Variants in ANGPT1 observed in about 807,000 individuals in gnomAD.
ANGPT1 encodes the protein angiopoietin 1.
Under a neutral mutation model 62.2 loss-of-function variants are expected in ANGPT1, and 17 were observed. That is an observed-to-expected ratio of 0.27 (90% CI 0.19 to 0.41). The LOEUF (loss-of-function observed/expected upper bound fraction) is 0.41, where lower values mean the gene tolerates loss of function less well. ANGPT1 is among the 10% of genes least tolerant of loss of function. ANGPT1 has a pLI of 1.00. For synonymous variants in ANGPT1, 199 were observed against 198.9 expected, an observed-to-expected ratio of 1.00 and a Z score of 0.00; for missense variants, 478 against 594.9, an observed-to-expected ratio of 0.80 and a Z score of 2.04.
chr8:107,319,686 C>T (rs1385333804), intron 4 of ANGPT1, among the ~76,000 whole-genome samples: 1 of 151,646 alleles, frequency 6.6e-6, no homozygotes, highest in Non-Finnish European at 1.5e-5. Context: ...ATGCTATTAG[C>T]CATTTAAAAT....
Position 107,497,688 on chromosome 8 carries a change from TGAA to T in ANGPT1, c.-133_-131del, listed in dbSNP as rs141130845. ...CTCTTTCCCCCTCAAAGAAAGCGTT[TGAA>T]GAAGAATCATAGAAAACTAGCCATT... On this transcript the variant is annotated 5_prime_UTR_variant, in exon 1 of 9. Transcript: ENST00000517746. 1.8e-3 allele frequency: 1,829 copies of T among 1,044,666 alleles called. 20 individuals are homozygous for T. In the African/African-American group the frequency reaches 0.028, roughly 16 times the overall value. The allele number at this position is 1,044,666 out of a possible 1,614,324, so 64.7% of individuals were successfully genotyped here.
chr8:107,319,919 T>C (rs770638767), intron 4 of ANGPT1, among the ~76,000 whole-genome samples: 1 of 152,116 alleles, frequency 6.6e-6, no homozygotes, highest in Non-Finnish European at 1.5e-5. Flanking sequence ...GCAGAGAACC[T>C]ATTGGAAAAT....
chr8:107,494,016 A>G (rs1036119365), intron 1 of ANGPT1, among the ~76,000 whole-genome samples: 1 of 149,412 alleles, frequency 6.7e-6, no homozygotes, highest in Admixed American at 6.7e-5. Flanking sequence ...ATTCATAACT[A>G]TATTTTCCAT....
At chr8:107,413,011 A>G (rs1230146299) in intron 1 of ANGPT1, among the ~76,000 whole-genome samples, 1 of 152,164 alleles carries the variant, frequency 6.6e-6, no homozygotes, top group African/African-American at 2.4e-5. Context: ...AAATCAACTA[A>G]AAAGATGTGG....
intron 1 of ANGPT1, among the ~76,000 whole-genome samples, chr8:107,385,556 T>C (rs1816716659): frequency 6.6e-6 from 1 of 152,130 alleles, no homozygotes; most frequent in African/African-American, 2.4e-5. Context: ...TTTCTAGGTG[T>C]AGTATCATAT....
At chr8:107,448,170 T>C (rs1228977890) in intron 1 of ANGPT1, among the ~76,000 whole-genome samples, 3 of 152,222 alleles carry the variant, frequency 2.0e-5, no homozygotes, top group African/African-American at 7.2e-5. Context: ...CAAGTTTTAA[T>C]AAGAAGGTAA....
intron 3 of ANGPT1, among the ~76,000 whole-genome samples, chr8:107,329,394 T>C (rs1307360132): frequency 6.6e-6 from 1 of 152,004 alleles, no homozygotes; most frequent in Non-Finnish European, 1.5e-5. Flanking sequence ...TTATTTATCA[T>C]AGAAATGGAG....
At chr8:107,421,973 T>C (rs1286920649) in intron 1 of ANGPT1, among the ~76,000 whole-genome samples, 2 of 152,212 alleles carry the variant, frequency 1.3e-5, no homozygotes, top group African/African-American at 4.8e-5. Context: ...ACCACTGCTA[T>C]AGAATTTTAA....
intron 1 of ANGPT1, among the ~76,000 whole-genome samples, chr8:107,415,627 T>C (rs1258490219): frequency 1.3e-5 from 2 of 152,180 alleles, no homozygotes; most frequent in Admixed American, 1.3e-4. Context: ...ACCAGAAATT[T>C]AAAATCTTTC....
Position 107,250,693 on chromosome 8 carries a change from T to C in ANGPT1, c.*1162A>G, listed in dbSNP as rs1380081189. On this transcript the variant is annotated 3_prime_UTR_variant, in exon 9 of 9. Coordinates refer to ENST00000517746, the MANE Select transcript of ANGPT1 (RefSeq NM_001146.5). ...CTATGTACAATGATATTTATAATTATTTTATTTTTTATAGACTTCAAAGTG... is the reference window on the plus strand; with the variant it reads ...CTATGTACAATGATATTTATAATTACTTTATTTTTTATAGACTTCAAAGTG... 6.6e-6 allele frequency: 1 copy of C among 152,132 alleles called. No homozygotes were observed. Among genetic ancestry groups the C allele is most frequent in the African/African-American group, 2.4e-5 (1 of 41,464 alleles). The allele number at this position is 152,132 out of a possible 1,614,324, so 9.4% of individuals were successfully genotyped here. A position where few individuals can be genotyped will look rare whatever the true frequency, so the allele number is the denominator to read the frequency against.
At chr8:107,426,647 C>T (rs1399495999) in intron 1 of ANGPT1, among the ~76,000 whole-genome samples, 1 of 152,164 alleles carries the variant, frequency 6.6e-6, no homozygotes, top group Non-Finnish European at 1.5e-5. Context: ...TACTTCAAAG[C>T]CCTGCTTCCA....
At chr8:107,339,698 A>G (rs1327925721) in intron 2 of ANGPT1, among the ~76,000 whole-genome samples, 4 of 152,170 alleles carry the variant, frequency 2.6e-5, no homozygotes, top group Non-Finnish European at 5.9e-5. Context: ...GGAGTCCTCT[A>G]AGCCTCCAGA....
At chr8:107,384,912 C>A (rs1206778127) in intron 1 of ANGPT1, among the ~76,000 whole-genome samples, 1 of 151,998 alleles carries the variant, frequency 6.6e-6, no homozygotes, top group South Asian at 2.1e-4. Context: ...TTGGTTTTGT[C>A]AAAGATCAGA....
intron 8 of ANGPT1, among the ~76,000 whole-genome samples, chr8:107,259,071 C>T (rs542025850): frequency 4.6e-5 from 7 of 152,164 alleles, no homozygotes; most frequent in South Asian, 4.1e-4. Context: ...AATAGGCTTA[C>T]GTTTTATGTA....
At chr8:107,265,327 G>C (rs768943654) in intron 7 of ANGPT1, among the ~76,000 whole-genome samples, 8 of 152,108 alleles carry the variant, frequency 5.3e-5, no homozygotes, top group African/African-American at 1.9e-4. Context: ...CCTAGAATCC[G>C]AGAACTAGTG....
chr8:107,259,365 T>C (rs1301071309), intron 8 of ANGPT1, among the ~76,000 whole-genome samples: 2 of 152,148 alleles, frequency 1.3e-5, no homozygotes, highest in Non-Finnish European at 2.9e-5. Context: ...GTAGGCAAAG[T>C]GAGCGTTTGT....
intron 7 of ANGPT1, among the ~76,000 whole-genome samples, chr8:107,280,485 C>T (rs978828305): frequency 6.6e-6 from 1 of 152,114 alleles, no homozygotes. Flanking sequence ...AATGGGTTGA[C>T]ACGTTACATC....
At chr8:107,384,211 G>C (rs980949693) in intron 1 of ANGPT1, among the ~76,000 whole-genome samples, 3 of 152,032 alleles carry the variant, frequency 2.0e-5, no homozygotes, top group Admixed American at 1.3e-4. Flanking sequence ...GTTGTCTGGG[G>C]AGTGCTTAAA....
At chr8:107,398,149 A>G (rs1395364077) in intron 1 of ANGPT1, among the ~76,000 whole-genome samples, 1 of 152,216 alleles carries the variant, frequency 6.6e-6, no homozygotes, top group African/African-American at 2.4e-5. Context: ...AGCTACCTGA[A>G]TAACCCACAG....
Sources: gnomAD v4.1 joint callset for allele counts (sites outside exome capture counted in the v4.1 genomes callset) on GRCh38, gnomAD v4.1.1 for gene constraint, MANE v1.5 for transcripts, NCBI Gene and HGNC (gene_info 2026-07-23, HGNC 2026-07-21) for gene names.